Variants in DNAAF11 observed in about 807,000 individuals in gnomAD.
DNAAF11 encodes leucine rich repeat containing 6.
Under a neutral mutation model 60.8 loss-of-function variants are expected in DNAAF11, and 45 were observed. The ratio of observed to expected loss-of-function variants is 0.74; its 90% CI spans 0.58 to 0.95. DNAAF11 has a LOEUF of 0.95. DNAAF11 is among the 40% of genes least tolerant of loss of function. DNAAF11 has a pLI of 0.00. For synonymous variants in DNAAF11, 191 were observed against 183.5 expected, an observed-to-expected ratio of 1.04 and a Z score of -0.33; for missense variants, 546 against 546.2, an observed-to-expected ratio of 1.00 and a Z score of 0.00.
At position 132,670,781 on chromosome 8, in the gene DNAAF11, T is replaced by C. The variant is rs959569414; in HGVS notation, c.10+4703A>G. Among the ~76,000 whole-genome samples, 3 of 152,154 alleles carry C rather than the reference T, an allele frequency of 2.0e-5. No homozygotes were observed. In the South Asian group the frequency reaches 6.2e-4, roughly 32 times the overall value. ...TACATTATAACCAAGGGGGGAGTTA[T>C]CCAATGTATACGAGGTTGATATAAT... On this transcript the variant is annotated intron_variant, in intron 1 of 11. Coordinates refer to ENST00000620350, the MANE Select transcript of DNAAF11 (RefSeq NM_012472.6).
intron 10 of DNAAF11, among the ~76,000 whole-genome samples, chr8:132,588,788 G>A (rs535270435): frequency 5.9e-5 from 9 of 152,116 alleles, no homozygotes; most frequent in Non-Finnish European, 1.0e-4. Flanking sequence ...GAAACATGGT[G>A]GCATCGGCTT....
intron 11 of DNAAF11, among the ~76,000 whole-genome samples, chr8:132,575,514 A>G (rs749290664): frequency 1.3e-5 from 2 of 152,186 alleles, no homozygotes; most frequent in Non-Finnish European, 2.9e-5. Flanking sequence ...CAATCAAATG[A>G]GGAGGACACA....
chr8:132,673,785 T>G (rs911432976), intron 1 of DNAAF11, among the ~76,000 whole-genome samples: 1 of 152,092 alleles, frequency 6.6e-6, no homozygotes, highest in African/African-American at 2.4e-5. Context: ...CCCCTCTCTC[T>G]CCTGGCTGTA....
At chr8:132,691,933 G>A in the DNAAF11 span, among the ~76,000 whole-genome samples, 7 of 152,136 alleles carry the variant, frequency 4.6e-5, no homozygotes, top group East Asian at 1.9e-4. Context: ...AGATGCAGCC[G>A]CCTCGCCTAT....
intron 11 of DNAAF11, among the ~76,000 whole-genome samples, chr8:132,573,920 C>T (rs1260780824): frequency 2.0e-5 from 3 of 152,162 alleles, no homozygotes; most frequent in African/African-American, 4.8e-5. Flanking sequence ...CCATAAACTC[C>T]GTATGCCACA....
chr8:132,643,596 G>A (rs915119106), intron 3 of DNAAF11: 8 of 455,402 alleles, frequency 1.8e-5, no homozygotes, highest in South Asian at 7.8e-5. Flanking sequence ...GAAAATACAC[G>A]GAGGGTGGGT....
At chr8:132,674,637 G>A (rs1038429389) in intron 1 of DNAAF11, among the ~76,000 whole-genome samples, 1 of 152,126 alleles carries the variant, frequency 6.6e-6, no homozygotes, top group Non-Finnish European at 1.5e-5. Flanking sequence ...GCCTGTAATC[G>A]CAGCACTTTG....
chr8:132,695,403 G>T, the DNAAF11 span, among the ~76,000 whole-genome samples: 1 of 152,172 alleles, frequency 6.6e-6, no homozygotes, highest in Admixed American at 6.5e-5. Context: ...CAATGCATGA[G>T]TGGTAAATTG....
At chr8:132,684,919 G>A in the DNAAF11 span, 2 of 152,224 alleles carry the variant, frequency 1.3e-5, no homozygotes, top group Non-Finnish European at 2.9e-5. Flanking sequence ...AGGAAATGGA[G>A]AGTTCAATCC....
chr8:132,702,357 A>G, the DNAAF11 span: 1 of 152,196 alleles, frequency 6.6e-6, no homozygotes, highest in South Asian at 2.1e-4. Context: ...GTCTACATAT[A>G]TGTCTATCTG....
chr8:132,665,193 C>T (rs1426323048), intron 1 of DNAAF11, among the ~76,000 whole-genome samples: 2 of 152,084 alleles, frequency 1.3e-5, no homozygotes, highest in Non-Finnish European at 2.9e-5. Context: ...TGTTGTTACA[C>T]AGTGCTGCTT....
At chr8:132,688,255 T>G in the DNAAF11 span, among the ~76,000 whole-genome samples, 1 of 152,178 alleles carries the variant, frequency 6.6e-6, no homozygotes, top group Non-Finnish European at 1.5e-5. Flanking sequence ...ACTTTAGATA[T>G]TACCCAACCC....
chr8:132,693,640 C>A, the DNAAF11 span, among the ~76,000 whole-genome samples: 1 of 151,848 alleles, frequency 6.6e-6, no homozygotes, highest in Non-Finnish European at 1.5e-5. Flanking sequence ...ATGTCAGGTA[C>A]TACTAAGTGC....
intron 5 of DNAAF11, among the ~76,000 whole-genome samples, chr8:132,629,932 A>G (rs1267291379): frequency 6.6e-6 from 1 of 152,214 alleles, no homozygotes; most frequent in Non-Finnish European, 1.5e-5. Context: ...AATAAATACA[A>G]TGAAAGATGG....
chr8:132,665,267 C>G (rs1467807285), intron 1 of DNAAF11, among the ~76,000 whole-genome samples: 1 of 152,068 alleles, frequency 6.6e-6, no homozygotes, highest in Non-Finnish European at 1.5e-5. Context: ...GTAAAGATAT[C>G]TTCATGGTGC....
intron 3 of DNAAF11, among the ~76,000 whole-genome samples, chr8:132,650,093 C>T (rs1586692557): frequency 6.6e-6 from 1 of 152,158 alleles, no homozygotes; most frequent in African/African-American, 2.4e-5. Context: ...GCACTATTCA[C>T]AACAGCAAAG....
At chr8:132,676,187 T>A (rs2130928935), upstream of DNAAF11, among the ~76,000 whole-genome samples, 1 of 152,090 alleles carries the variant, frequency 6.6e-6, no homozygotes, top group Non-Finnish European at 1.5e-5. Flanking sequence ...ATTTCCCTAT[T>A]CTCCACTCTC....
chr8:132,675,352 G>T lies in DNAAF11; in HGVS notation c.10+132C>A. Reference sequence around the variant, plus strand: ...CCGGGGCTGCGGTGCGGAGGGCCGGGTGGGGTTAGGGTCCGCCCAGGCGCG... The same window carrying T: ...CCGGGGCTGCGGTGCGGAGGGCCGGTTGGGGTTAGGGTCCGCCCAGGCGCG... On this transcript the variant is annotated intron_variant, in intron 1 of 11. Transcript: ENST00000620350. The T allele has an allele frequency of 8.5e-6, 8 of 946,316 alleles. 1 individual carries two copies. In the South Asian group the frequency reaches 1.3e-4, roughly 15 times the overall value. The allele number at this position is 946,316 out of a possible 1,614,324, so 58.6% of individuals were successfully genotyped here. A position where few individuals can be genotyped will look rare whatever the true frequency, so the allele number is the denominator to read the frequency against.
intron 2 of DNAAF11, among the ~76,000 whole-genome samples, chr8:132,658,212 GA>G (rs565222333): frequency 2.0e-4 from 31 of 152,212 alleles, no homozygotes; most frequent in African/African-American, 7.2e-4. Context: ...GGATTTGGGG[GA>G]AAAAATTACA....
Sources: gnomAD v4.1 joint callset for allele counts (sites outside exome capture counted in the v4.1 genomes callset) on GRCh38, gnomAD v4.1.1 for gene constraint, MANE v1.5 for transcripts, NCBI Gene and HGNC (gene_info 2026-07-23, HGNC 2026-07-21) for gene names.